MSRA: variants seen among roughly 807,000 people sequenced by gnomAD.
The protein encoded by MSRA is methionine sulfoxide reductase A, also known as mitochondrial peptide methionine sulfoxide reductase.
In MSRA, 54 loss-of-function variants were observed where a neutral mutation model predicts 31.3. The ratio of observed to expected loss-of-function variants is 1.73; its 90% confidence interval spans 1.39 to 2.17. MSRA has a LOEUF of 2.17. Among genes scored for constraint, MSRA ranks in the 30% most tolerant of loss-of-function variants. The probability of loss-of-function intolerance (pLI) is 0.00; values close to 1 mark genes in which losing one functional copy is unlikely to be tolerated. For synonymous variants in MSRA, 169 were observed against 116.5 expected, an observed-to-expected ratio of 1.45 and a Z score of -2.90; for missense variants, 507 against 300.9, an observed-to-expected ratio of 1.69 and a Z score of -5.07.
At chr8:10,145,312 G>A (rs1469776643) in intron 1 of MSRA, among the ~76,000 whole-genome samples, 2 of 152,138 alleles carry the variant, frequency 1.3e-5, no homozygotes, top group Non-Finnish European at 2.9e-5. Context: ...AGAAAAGAAA[G>A]GCCAACTGAT....
At chr8:10,367,805 T>A (rs1053818819) in intron 5 of MSRA, among the ~76,000 whole-genome samples, 1 of 152,178 alleles carries the variant, frequency 6.6e-6, no homozygotes, top group East Asian at 1.9e-4. Flanking sequence ...ACAGCACATC[T>A]GGAAGAGGGT....
intron 1 of MSRA, among the ~76,000 whole-genome samples, chr8:10,134,874 TTC>T (rs1278907710): frequency 6.6e-6 from 1 of 152,224 alleles, no homozygotes; most frequent in Non-Finnish European, 1.5e-5. Context: ...AAGGTAGGGT[TTC>T]TAAGAAATCA....
chr8:10,192,982 C>G (rs1807645745), intron 1 of MSRA, among the ~76,000 whole-genome samples: 1 of 152,200 alleles, frequency 6.6e-6, no homozygotes, highest in African/African-American at 2.4e-5. Flanking sequence ...CAGAAACCTT[C>G]TCAACAATAG....
chr8:10,401,682 T>TA (rs11355031), intron 5 of MSRA, among the ~76,000 whole-genome samples: 39 of 151,202 alleles, frequency 2.6e-4, no homozygotes, highest in African/African-American at 9.5e-4. Flanking sequence ...GATGAATGGG[T>TA]AAAAAAAAAA....
In MSRA at chr8:10,180,649, A is replaced by G. The variant is rs1327210295; in HGVS notation, c.143-27184A>G. On this transcript the variant is annotated intron_variant, in intron 1 of 5. Coordinates refer to ENST00000317173, the MANE Select transcript of MSRA (RefSeq NM_012331.5). Reference sequence around the variant, plus strand: ...CCTTACCCCCATCACTCAGAATACCAAGGGTTTTAGGAGCGCTGTACCAGG... The same window carrying G: ...CCTTACCCCCATCACTCAGAATACCGAGGGTTTTAGGAGCGCTGTACCAGG... Among the ~76,000 whole-genome samples, 4 of 152,292 alleles carry G rather than the reference A, an allele frequency of 2.6e-5. No individual in the cohort carries two copies. In the East Asian group the frequency reaches 5.8e-4, roughly 22 times the overall value.
chr8:10,083,297 G>C (rs1798383967), intron 1 of MSRA, among the ~76,000 whole-genome samples: 1 of 152,100 alleles, frequency 6.6e-6, no homozygotes, highest in Admixed American at 6.5e-5. Flanking sequence ...TTTGTTTTCT[G>C]GCTAATATTC....
chr8:10,071,040 C>T (rs1010588365), intron 1 of MSRA, among the ~76,000 whole-genome samples: 2 of 152,182 alleles, frequency 1.3e-5, no homozygotes, highest in African/African-American at 4.8e-5. Context: ...TGGGCACTTA[C>T]ATGTGATAAT....
rs73664936 is a variant in MSRA at position 10,185,472 on chromosome 8, A to G, written c.143-22361A>G. Among the ~76,000 whole-genome samples the G allele has an allele frequency of 7.6e-4, 115 of 151,810 alleles. 1 individual carries two copies. The highest frequency in any genetic ancestry group is 2.4e-3 in the African/African-American group (100 of 41,458). ...GTTTCTGCCTTTCTACCTCAGAGTT[A>G]ATGCCCTGAAGATGCCACTGGGGGA... On this transcript the variant is annotated intron_variant, in intron 1 of 5. Transcript: ENST00000317173.
At chr8:10,134,229 G>A (rs182592415) in intron 1 of MSRA, among the ~76,000 whole-genome samples, 4 of 152,288 alleles carry the variant, frequency 2.6e-5, no homozygotes, top group Non-Finnish European at 5.9e-5. Flanking sequence ...CCTTTCTATT[G>A]TTTCACTGGA....
intron 1 of MSRA, among the ~76,000 whole-genome samples, chr8:10,174,555 C>A (rs1805872029): frequency 6.6e-6 from 1 of 152,110 alleles, no homozygotes. Flanking sequence ...CAGGCCCCAG[C>A]CTGCAGTCCT....
Position 10,076,600 on chromosome 8 carries a change from G to T in MSRA, c.142+21942G>T, listed in dbSNP as rs146231216. 1.6e-4 allele frequency among the ~76,000 whole-genome samples: 24 copies of T among 152,252 alleles called. No homozygotes were observed. In the East Asian group the frequency reaches 2.7e-3, roughly 17 times the overall value. ...CTTGCAGGCAGTGTTGTTCCTGATT[G>T]CCCCAGTCTAGTTTATCGCAAGGGA... On this transcript the variant is annotated intron_variant, in intron 1 of 5. Transcript: ENST00000317173.
intron 1 of MSRA, among the ~76,000 whole-genome samples, chr8:10,147,210 C>G (rs553874913): frequency 3.4e-4 from 52 of 152,230 alleles, no homozygotes; most frequent in African/African-American, 1.2e-3. Context: ...TGAGAAGGAG[C>G]AGGCCTGGAG....
chr8:10,335,480 C>T (rs1585507591), intron 5 of MSRA, among the ~76,000 whole-genome samples: 1 of 152,114 alleles, frequency 6.6e-6, no homozygotes. Context: ...GGGTTCGCTG[C>T]TGAACTGGGG....
intron 3 of MSRA, among the ~76,000 whole-genome samples, chr8:10,287,355 A>G (rs564720693): frequency 6.6e-6 from 1 of 152,342 alleles, no homozygotes; most frequent in South Asian, 2.1e-4. Context: ...AACAGACATC[A>G]TAATACATGG....
Position 10,319,880 on chromosome 8 carries a change from T to G in MSRA, c.437-3T>G. On this transcript the variant is annotated splice_polypyrimidine_tract_variant and splice_region_variant and intron_variant, in intron 4 of 5. Coordinates refer to ENST00000317173, the MANE Select transcript of MSRA (RefSeq NM_012331.5). The stretch of plus-strand genomic sequence containing the variant: ...TAACCCTCCCTGTTTTCTGCTTTCC[T>G]AGGTATGCGCCAGGGGAACGACCAT... 6.6e-7 allele frequency: 1 copy of G among 1,519,586 alleles called. No individual in the cohort carries two copies. The allele number at this position is 1,519,586 out of a possible 1,614,324, so 94.1% of individuals were successfully genotyped here. A position where few individuals can be genotyped will look rare whatever the true frequency, so the allele number is the denominator to read the frequency against.
intron 5 of MSRA, among the ~76,000 whole-genome samples, chr8:10,377,757 C>A (rs1428923062): frequency 6.6e-6 from 1 of 152,188 alleles, no homozygotes; most frequent in Non-Finnish European, 1.5e-5. Context: ...ACAGGGCAAA[C>A]ACCCTCTGGC....
chr8:10,199,401 C>A (rs1487219702), intron 1 of MSRA, among the ~76,000 whole-genome samples: 2 of 152,154 alleles, frequency 1.3e-5, no homozygotes, highest in Non-Finnish European at 2.9e-5. Flanking sequence ...CCCACTGCAA[C>A]CTGCACCTCC....
chr8:10,420,190 A>G (rs961569310), intron 5 of MSRA, among the ~76,000 whole-genome samples: 1 of 146,844 alleles, frequency 6.8e-6, no homozygotes, highest in African/African-American at 2.5e-5. Context: ...AAAAAGACAT[A>G]CTGTGGAATT....
At chr8:10,380,994 T>C (rs1310691461) in intron 5 of MSRA, among the ~76,000 whole-genome samples, 2 of 151,570 alleles carry the variant, frequency 1.3e-5, no homozygotes, top group African/African-American at 2.4e-5. Context: ...GATGAAGAGA[T>C]GCATAGATGG....
Sources: gnomAD v4.1 joint callset for allele counts (sites outside exome capture counted in the v4.1 genomes callset) on GRCh38, gnomAD v4.1.1 for gene constraint, MANE v1.5 for transcripts, NCBI Gene and HGNC (gene_info 2026-07-23, HGNC 2026-07-21) for gene names.